IQCM: variants seen among roughly 807,000 people sequenced by gnomAD.
IQCM encodes IQ domain-containing protein M.
IQCM carries 45 observed loss-of-function variants against 57.6 expected under a neutral mutation model. That is an observed-to-expected ratio of 0.78 (90% CI 0.62 to 1.00). IQCM has a LOEUF of 1.00. IQCM is among the 50% of genes least tolerant of loss of function. The pLI is 0.00. For synonymous variants in IQCM, 148 were observed against 158.9 expected, an observed-to-expected ratio of 0.93 and a Z score of 0.51; for missense variants, 468 against 511.6, an observed-to-expected ratio of 0.91 and a Z score of 0.82.
At chr4:149,664,687 G>A (rs753756683) in intron 7 of IQCM, among the ~76,000 whole-genome samples, 14 of 152,274 alleles carry the variant, frequency 9.2e-5, no homozygotes, top group Middle Eastern at 3.4e-3. Flanking sequence ...TACTCATAAC[G>A]GATCAACAGT....
chr4:149,571,459 A>C (rs904034938), intron 9 of IQCM, among the ~76,000 whole-genome samples: 1 of 152,182 alleles, frequency 6.6e-6, no homozygotes, highest in South Asian at 2.1e-4. Context: ...GTAGAGAGTA[A>C]AATGGTGGCA....
intron 9 of IQCM, among the ~76,000 whole-genome samples, chr4:149,579,874 G>T (rs559053274): frequency 3.0e-4 from 46 of 151,876 alleles, no homozygotes; most frequent in African/African-American, 1.0e-3. Flanking sequence ...ATATCATCAA[G>T]GGAATTAACT....
At chr4:149,637,733 T>C (rs1034580843) in intron 7 of IQCM, among the ~76,000 whole-genome samples, 3 of 152,112 alleles carry the variant, frequency 2.0e-5, no homozygotes, top group Non-Finnish European at 4.4e-5. Context: ...GCATATATAA[T>C]ATCAAAGACA....
At chr4:149,392,454 A>T (rs562187335) in intron 13 of IQCM, among the ~76,000 whole-genome samples, 2 of 152,136 alleles carry the variant, frequency 1.3e-5, no homozygotes, top group South Asian at 4.1e-4. Flanking sequence ...TCAGTAGAAG[A>T]ATGGACTAGA....
At chr4:149,713,217 T>C (rs1010669429) in intron 5 of IQCM, among the ~76,000 whole-genome samples, 24 of 152,144 alleles carry the variant, frequency 1.6e-4, no homozygotes, top group Admixed American at 3.9e-4. Context: ...CTGGACCCCC[T>C]ACCAGGCCCT....
chr4:149,577,302 G>T (rs1751749992), intron 9 of IQCM, among the ~76,000 whole-genome samples: 1 of 151,858 alleles, frequency 6.6e-6, no homozygotes, highest in Admixed American at 6.6e-5. Flanking sequence ...TGAAATCTTT[G>T]CCAGGGCTGA....
intron 12 of IQCM, among the ~76,000 whole-genome samples, chr4:149,489,740 A>G (rs537474888): frequency 6.6e-6 from 1 of 152,006 alleles, no homozygotes; most frequent in Non-Finnish European, 1.5e-5. Flanking sequence ...TATGGGCTCA[A>G]GGATATCTCT....
In IQCM at chr4:149,580,928, G is replaced by A. The variant is rs948778994; in HGVS notation, c.749+7002C>T. On this transcript the variant is annotated intron_variant, in intron 9 of 13. Coordinates refer to ENST00000636793, the MANE Select transcript of IQCM (RefSeq NM_001363507.2). ...ATATTTATTTTATTACTTGTGTAAG[G>A]TGCTATTCTAATGTTGAAGATACCC... Among the ~76,000 whole-genome samples the A allele has an allele frequency of 3.3e-5, 5 of 151,678 alleles. No individual in the cohort carries two copies. The South Asian group carries it at 1.0e-3, about 32-fold the overall frequency.
At chr4:149,703,248 A>T (rs1329601349) in intron 5 of IQCM, among the ~76,000 whole-genome samples, 1 of 152,008 alleles carries the variant, frequency 6.6e-6, no homozygotes, top group Non-Finnish European at 1.5e-5. Context: ...GAAAGCAGAG[A>T]CATTCTGCTC....
At chr4:149,602,225 T>C (rs1484167807) in intron 8 of IQCM, among the ~76,000 whole-genome samples, 1 of 152,054 alleles carries the variant, frequency 6.6e-6, no homozygotes, top group Non-Finnish European at 1.5e-5. Context: ...GTACAGATTA[T>C]ACAAAAAATA....
chr4:149,808,563 T>A (rs2150063146), intron 2 of IQCM, among the ~76,000 whole-genome samples: 1 of 152,270 alleles, frequency 6.6e-6, no homozygotes, highest in South Asian at 2.1e-4. Flanking sequence ...ATAATGTTCT[T>A]AACACAAAAA....
intron 12 of IQCM, among the ~76,000 whole-genome samples, chr4:149,530,206 T>A (rs944178083): frequency 6.6e-6 from 1 of 152,120 alleles, no homozygotes; most frequent in African/African-American, 2.4e-5. Context: ...AACTTATCAC[T>A]GATTTGACAT....
At chr4:149,372,400 G>T (rs1382424447) in intron 13 of IQCM, among the ~76,000 whole-genome samples, 2 of 152,016 alleles carry the variant, frequency 1.3e-5, no homozygotes, top group Non-Finnish European at 2.9e-5. Context: ...AAACTCTAGG[G>T]GATGTGCCTG....
At chr4:149,751,960 G>T (rs1418717209) in intron 2 of IQCM, among the ~76,000 whole-genome samples, 1 of 152,078 alleles carries the variant, frequency 6.6e-6, no homozygotes, top group African/African-American at 2.4e-5. Context: ...ATGCATGGAA[G>T]GACTTAGTAA....
intron 7 of IQCM, among the ~76,000 whole-genome samples, chr4:149,660,071 C>T (rs1309795182): frequency 6.6e-6 from 1 of 151,212 alleles, no homozygotes; most frequent in Non-Finnish European, 1.5e-5. Context: ...AAAATTTTTG[C>T]AACCTACTCA....
At chr4:149,812,051 G>T (rs1327259318) in intron 2 of IQCM, among the ~76,000 whole-genome samples, 1 of 152,160 alleles carries the variant, frequency 6.6e-6, no homozygotes, top group Non-Finnish European at 1.5e-5. Context: ...CTAACTAGGA[G>T]AATAAAGCAT....
At chr4:149,578,245 C>T (rs936656283) in intron 9 of IQCM, among the ~76,000 whole-genome samples, 1 of 151,610 alleles carries the variant, frequency 6.6e-6, no homozygotes, top group Non-Finnish European at 1.5e-5. Flanking sequence ...GGCTAAGACT[C>T]CTAGATTCTG....
At chr4:149,596,137 G>T (rs1034301871) in intron 8 of IQCM, among the ~76,000 whole-genome samples, 1 of 152,136 alleles carries the variant, frequency 6.6e-6, no homozygotes, top group African/African-American at 2.4e-5. Context: ...ACAGGCTGAA[G>T]AGAAGGAGGG....
At chr4:149,689,608 C>T (rs1416752091) in intron 5 of IQCM, among the ~76,000 whole-genome samples, 1 of 151,942 alleles carries the variant, frequency 6.6e-6, no homozygotes, top group Non-Finnish European at 1.5e-5. Flanking sequence ...AACTTTTGCA[C>T]AGCAAAAGGA....
Sources: gnomAD v4.1 joint callset for allele counts (sites outside exome capture counted in the v4.1 genomes callset) on GRCh38, gnomAD v4.1.1 for gene constraint, MANE v1.5 for transcripts, NCBI Gene and HGNC (gene_info 2026-07-23, HGNC 2026-07-21) for gene names.